Variants in FTO observed in about 807,000 individuals in gnomAD.
FTO encodes alpha-ketoglutarate-dependent dioxygenase FTO.
A neutral mutation model predicts 63.9 loss-of-function variants in FTO; 47 were observed. The observed-to-expected ratio is 0.74, with a 90% CI of 0.58 to 0.94. The LOEUF is 0.94. FTO is among the 40% of genes least tolerant of loss of function. The pLI, the probability that FTO is intolerant of heterozygous loss-of-function variation, is 0.00. For synonymous variants in FTO, 207 were observed against 224.4 expected (o/e 0.92, Z 0.69); for missense variants, 562 against 618.1 (o/e 0.91, Z 0.96).
chr16:54,077,269 G>A (rs1237004552), intron 8 of FTO, among the ~76,000 whole-genome samples: 1 of 152,172 alleles, frequency 6.6e-6, no homozygotes, highest in East Asian at 1.9e-4. Context: ...AATTCTGTCA[G>A]GCAATATACT....
At chr16:53,792,631 T>G (rs967035589) in intron 1 of FTO, among the ~76,000 whole-genome samples, 3 of 152,232 alleles carry the variant, frequency 2.0e-5, no homozygotes, top group African/African-American at 7.2e-5. Flanking sequence ...AGGAAAGTGC[T>G]AAGTCTGATC....
chr16:53,933,835 C>A (rs2082331695), intron 7 of FTO, 150 bp from the exon 8 acceptor site: 2 of 717,394 alleles, frequency 2.8e-6, no homozygotes, highest in African/African-American at 1.8e-5. Context: ...TATATGCCGG[C>A]CATTTTTGGC....
intron 8 of FTO, among the ~76,000 whole-genome samples, chr16:54,084,740 C>T (rs1252498613): frequency 6.6e-6 from 1 of 152,140 alleles, no homozygotes; most frequent in Non-Finnish European, 1.5e-5. Context: ...CCACTGAGTC[C>T]TGTGATGCTG....
intron 3 of FTO, among the ~76,000 whole-genome samples, chr16:53,841,980 C>T (rs940035733): frequency 4.6e-5 from 7 of 152,214 alleles, no homozygotes; most frequent in Non-Finnish European, 8.8e-5. Flanking sequence ...AGTTTAGCAG[C>T]AATGCCATGC....
intron 3 of FTO, among the ~76,000 whole-genome samples, chr16:53,832,111 T>C (rs963870920): frequency 6.6e-6 from 1 of 152,038 alleles, no homozygotes; most frequent in African/African-American, 2.4e-5. Flanking sequence ...TCCTGTAACT[T>C]TTTACCAACA....
chr16:54,023,966 T>C (rs1599226934), intron 8 of FTO, among the ~76,000 whole-genome samples: 2 of 152,218 alleles, frequency 1.3e-5, no homozygotes, highest in East Asian at 3.8e-4. Flanking sequence ...TTCATAATTT[T>C]ATAATTATGC....
Position 54,118,353 on chromosome 16 carries a change from CTTTT to C in FTO, c.*6447_*6450del, listed in dbSNP as rs1315938354. 1.5e-5 allele frequency: 2 copies of C among 136,916 alleles called. No homozygotes were observed. The highest frequency in any genetic ancestry group is 2.4e-4 in the South Asian group (1 of 4,186). 8.5% of individuals were successfully genotyped at this position (136,916 alleles called of 1,614,324 possible). A position where few individuals can be genotyped will look rare whatever the true frequency, so the allele number is the denominator to read the frequency against. Reference sequence around the variant, plus strand: ...ATGGCATGAAGCTCTTTCACACAGTCTTTTTTTTTTTTCTTTTTTTTTTTCAGAC... The same window carrying C: ...ATGGCATGAAGCTCTTTCACACAGTCTTTTTTTTCTTTTTTTTTTTCAGAC... On this transcript the variant is annotated 3_prime_UTR_variant, in exon 9 of 9. Transcript: ENST00000471389.
At chr16:53,804,138 G>T (rs747244853) in intron 1 of FTO, among the ~76,000 whole-genome samples, 6 of 152,178 alleles carry the variant, frequency 3.9e-5, no homozygotes, top group Non-Finnish European at 7.3e-5. Flanking sequence ...TAAGAAACTA[G>T]TTGCAAATCA....
At chr16:53,939,592 G>A (rs2082477179) in intron 8 of FTO, among the ~76,000 whole-genome samples, 1 of 152,006 alleles carries the variant, frequency 6.6e-6, no homozygotes, top group African/African-American at 2.4e-5. Context: ...AATGAAACCC[G>A]GCATCTGTTA....
chr16:54,054,969 C>T (rs2085397616), intron 8 of FTO, among the ~76,000 whole-genome samples: 1 of 152,110 alleles, frequency 6.6e-6, no homozygotes, highest in Non-Finnish European at 1.5e-5. Flanking sequence ...TACTGTGAAC[C>T]CAATGCTAGC....
rs901859191 is a variant in FTO, at chr16:54,117,773, T to C, written c.*5858T>C. ...GCAATTTTGGATTTGCTTAAAAAAATTCTTGCCATCACCTTCTAATGGATG... is the reference window on the plus strand; with the variant it reads ...GCAATTTTGGATTTGCTTAAAAAAACTCTTGCCATCACCTTCTAATGGATG... On this transcript the variant is annotated 3_prime_UTR_variant, in exon 9 of 9. Coordinates refer to ENST00000471389, the MANE Select transcript of FTO (RefSeq NM_001080432.3). 6.6e-6 allele frequency: 1 copy of C among 152,220 alleles called. No individual in the cohort carries two copies. Among genetic ancestry groups the C allele is most frequent in the African/African-American group, 2.4e-5 (1 of 41,464 alleles). 9.4% of individuals were successfully genotyped at this position (152,220 alleles called of 1,614,324 possible).
chr16:53,766,286 C>T (rs961323489), intron 1 of FTO, among the ~76,000 whole-genome samples: 2 of 152,068 alleles, frequency 1.3e-5, no homozygotes, highest in Non-Finnish European at 2.9e-5. Context: ...AGTGCAGTGG[C>T]GCGATCGTGG....
intron 1 of FTO, among the ~76,000 whole-genome samples, chr16:53,784,353 ATG>A (rs1461037489): frequency 6.6e-6 from 1 of 152,178 alleles, no homozygotes; most frequent in East Asian, 1.9e-4. Context: ...GTGTCTTTTC[ATG>A]TGGGTTAGCT....
chr16:54,001,035 G>A (rs1195716978), intron 8 of FTO, among the ~76,000 whole-genome samples: 1 of 152,090 alleles, frequency 6.6e-6, no homozygotes, highest in African/African-American at 2.4e-5. Flanking sequence ...TTTTCACTTC[G>A]GAGTTTGGCT....
At chr16:53,816,030 C>T (rs2078676941) in intron 2 of FTO, among the ~76,000 whole-genome samples, 1 of 152,198 alleles carries the variant, frequency 6.6e-6, no homozygotes, top group East Asian at 1.9e-4. Context: ...CATAAACTCT[C>T]GTCATAGGGA....
intron 8 of FTO, among the ~76,000 whole-genome samples, chr16:54,073,495 C>CT (rs1256038803): frequency 6.6e-6 from 1 of 151,950 alleles, no homozygotes; most frequent in East Asian, 1.9e-4. Context: ...AAGTCAGTGG[C>CT]TTTTTTAAAA....
rs146924130 is a variant in FTO at position 53,710,390 on chromosome 16, T to C, written c.45+6161T>C. 6.2e-3 allele frequency among the ~76,000 whole-genome samples: 938 copies of C among 151,666 alleles called. 13 individuals carry two copies. Among genetic ancestry groups the C allele is most frequent in the African/African-American group, 0.022 (895 of 41,330 alleles). On this transcript the variant is annotated intron_variant, in intron 1 of 8. Transcript: ENST00000471389. ...AAGCGATTCTTCTGCCTCAGCCTCC[T>C]GAGTAGCTCAGACTACAGACACGTG...
intron 8 of FTO, among the ~76,000 whole-genome samples, chr16:53,966,421 C>G (rs1431325381): frequency 2.6e-5 from 4 of 152,162 alleles, no homozygotes; most frequent in Non-Finnish European, 5.9e-5. Flanking sequence ...AATGGCATCC[C>G]CACAATCACA....
intron 3 of FTO, among the ~76,000 whole-genome samples, chr16:53,827,720 C>G (rs2151780169): frequency 6.6e-6 from 1 of 152,318 alleles, no homozygotes; most frequent in Non-Finnish European, 1.5e-5. Flanking sequence ...CTTTCTCTGG[C>G]ATCTCAAATA....
Sources: gnomAD v4.1 joint callset for allele counts (sites outside exome capture counted in the v4.1 genomes callset) on GRCh38, gnomAD v4.1.1 for gene constraint, MANE v1.5 for transcripts, NCBI Gene and HGNC (gene_info 2026-07-23, HGNC 2026-07-21) for gene names.